RUNX1T1: variants seen among roughly 807,000 people sequenced by gnomAD.
RUNX1T1 encodes RUNX1 partner transcriptional co-repressor 1.
RUNX1T1 carries 4 observed loss-of-function variants against 62.8 expected under a neutral mutation model. The ratio of observed to expected loss-of-function variants is 0.06; its 90% confidence interval spans 0.03 to 0.15. RUNX1T1 has a LOEUF of 0.15. Ranked by LOEUF, RUNX1T1 falls within the 10% of genes least tolerant of loss-of-function variation. The pLI is 1.00. For synonymous variants in RUNX1T1, 291 were observed against 286.0 expected (o/e 1.02, Z -0.18); for missense variants, 508 against 754.3 (o/e 0.67, Z 3.82).
chr8:92,072,256 C>T (rs1833797856), intron 2 of RUNX1T1, among the ~76,000 whole-genome samples: 1 of 152,012 alleles, frequency 6.6e-6, no homozygotes, highest in South Asian at 2.1e-4. Context: ...ACATAATTAA[C>T]ATTGTTATTT....
intron 2 of RUNX1T1, among the ~76,000 whole-genome samples, chr8:92,016,331 G>A (rs1822986849): frequency 6.6e-6 from 1 of 152,108 alleles, no homozygotes. Flanking sequence ...CTCAGAACTT[G>A]AGCCAAGCAG....
At chr8:92,102,463 T>C (rs1422275696), upstream of RUNX1T1, among the ~76,000 whole-genome samples, 2 of 149,766 alleles carry the variant, frequency 1.3e-5, no homozygotes, top group Non-Finnish European at 3.0e-5. The surrounding 1 kb of genome is among the most constrained non-coding windows in gnomAD (Gnocchi z 4.5). Flanking sequence ...AAACCCACGA[T>C]GCGGGCATAG....
At chr8:92,022,066 T>C (rs1824212271) in intron 1 of RUNX1T1, among the ~76,000 whole-genome samples, 1 of 151,906 alleles carries the variant, frequency 6.6e-6, no homozygotes, top group South Asian at 2.1e-4. Flanking sequence ...CACATGTATA[T>C]ATTATACACC....
At chr8:92,000,467 C>T (rs1586917515) in intron 5 of RUNX1T1, among the ~76,000 whole-genome samples, 1 of 152,240 alleles carries the variant, frequency 6.6e-6, no homozygotes, top group East Asian at 1.9e-4. Context: ...AAAATCCCTA[C>T]ATTTTTTTCA....
chr8:92,053,505 A>G (rs1830545501), intron 1 of RUNX1T1, among the ~76,000 whole-genome samples: 1 of 152,190 alleles, frequency 6.6e-6, no homozygotes, highest in Non-Finnish European at 1.5e-5. Context: ...AGAAAGTTTT[A>G]AGTGTTGTAT....
intron 1 of RUNX1T1, among the ~76,000 whole-genome samples, chr8:92,037,752 T>C (rs1453149347): frequency 6.6e-6 from 1 of 152,118 alleles, no homozygotes; most frequent in African/African-American, 2.4e-5. Flanking sequence ...ACAGGTCTTC[T>C]ATGGAGCTTT....
At chr8:91,967,517 A>G (rs190337372) in intron 10 of RUNX1T1, among the ~76,000 whole-genome samples, 1 of 152,166 alleles carries the variant, frequency 6.6e-6, no homozygotes, top group East Asian at 1.9e-4. Flanking sequence ...TTTCAGAACC[A>G]CTGTTTTTTC....
intron 5 of RUNX1T1, among the ~76,000 whole-genome samples, chr8:92,000,689 T>C (rs1027016933): frequency 6.6e-6 from 1 of 152,184 alleles, no homozygotes; most frequent in Non-Finnish European, 1.5e-5. Context: ...GATTTTAAAA[T>C]GATTGCCTTT....
chr8:91,971,354 A>G (rs530496783), intron 9 of RUNX1T1, among the ~76,000 whole-genome samples: 10 of 152,284 alleles, frequency 6.6e-5, no homozygotes, highest in Admixed American at 4.6e-4. Flanking sequence ...CCACAATGCT[A>G]TAAGTTAACA....
intron 1 of RUNX1T1, among the ~76,000 whole-genome samples, chr8:92,056,214 T>C (rs552897969): frequency 6.6e-6 from 1 of 152,310 alleles, no homozygotes; most frequent in Admixed American, 6.5e-5. Flanking sequence ...CAATTGTCTT[T>C]TTTAAAGTTA....
upstream of RUNX1T1, chr8:92,063,451 C>T (rs1832388772): frequency 6.6e-6 from 1 of 152,120 alleles, no homozygotes; most frequent in Non-Finnish European, 1.5e-5. Flanking sequence ...CAATCATGTC[C>T]TCCTGATTCC....
intron 1 of RUNX1T1, among the ~76,000 whole-genome samples, chr8:92,061,966 C>T (rs533572290): frequency 1.3e-5 from 2 of 152,298 alleles, no homozygotes; most frequent in South Asian, 2.1e-4. Context: ...CACTAAATTT[C>T]CAGGACAAGA....
Position 92,081,391 on chromosome 8 carries a change from T to A in RUNX1T1, c.-85-5254A>T, listed in dbSNP as rs137898402. 248 of 308,092 alleles carry A rather than the reference T, an allele frequency of 8.0e-4. 1 individual carries two copies. The highest frequency in any genetic ancestry group is 5.2e-3 in the African/African-American group (229 of 44,418). 19.1% of individuals were successfully genotyped at this position (308,092 alleles called of 1,614,324 possible). On this transcript the variant is annotated intron_variant, in intron 1 of 11. Coordinates refer to the RUNX1T1 transcript ENST00000265814. Reference sequence around the variant, plus strand: ...AATATCAGTACAATCATAATCTTTTTCTTTCTGAAAGTAATTACTGCACTA... The same window carrying A: ...AATATCAGTACAATCATAATCTTTTACTTTCTGAAAGTAATTACTGCACTA...
rs539021944 is a variant in RUNX1T1 at position 92,055,071 on chromosome 8, G to A, written c.7+7475C>T. On this transcript the variant is annotated intron_variant, in intron 1 of 10. Coordinates refer to ENST00000396218, the Ensembl canonical transcript of RUNX1T1. ...GCACAAACTGATCAGCTTGTGATTA[G>A]TAAGTACAACAATTTTAAACAGTGA... Among the ~76,000 whole-genome samples the A allele has an allele frequency of 2.6e-5, 4 of 152,200 alleles. No homozygotes were observed. The South Asian group carries it at 8.3e-4, about 32-fold the overall frequency.
At chr8:92,024,707 C>G (rs1325434073) in intron 1 of RUNX1T1, among the ~76,000 whole-genome samples, 1 of 152,108 alleles carries the variant, frequency 6.6e-6, no homozygotes, top group Non-Finnish European at 1.5e-5. Context: ...GTCTAATACT[C>G]TCTTTCTCTG....
chr8:92,036,600 CAGG>C lies in RUNX1T1; in HGVS notation c.8-19240_8-19238del, dbSNP rs551823436. ...AGCACCTTTGAATACCTTTCCTTTT[CAGG>C]AGAACTTGCCAGGATGCCTCCGGAA... On this transcript the variant is annotated intron_variant, in intron 1 of 10. Coordinates refer to ENST00000396218, the Ensembl canonical transcript of RUNX1T1. Among the ~76,000 whole-genome samples, 45 of 152,284 alleles carry C rather than the reference CAGG, an allele frequency of 3.0e-4. No individual in the cohort carries two copies. The East Asian group carries it at 8.7e-3, about 29-fold the overall frequency.
intron 1 of RUNX1T1, among the ~76,000 whole-genome samples, chr8:92,040,812 G>A (rs1587242643): frequency 6.6e-6 from 1 of 152,294 alleles, no homozygotes; most frequent in South Asian, 2.1e-4. Flanking sequence ...GGCTGGGGCA[G>A]GAGGATCACT....
intron 8 of RUNX1T1, among the ~76,000 whole-genome samples, chr8:91,982,620 A>C (rs533791560): frequency 6.6e-6 from 1 of 152,324 alleles, no homozygotes; most frequent in East Asian, 1.9e-4. Flanking sequence ...ATAAAACTTA[A>C]ATGTATAAAT....
rs141568515 is a variant in RUNX1T1 at position 92,030,203 on chromosome 8, C to T, written c.8-12840G>A. Among the ~76,000 whole-genome samples, 29 of 152,240 alleles carry T rather than the reference C, an allele frequency of 1.9e-4. No individual in the cohort carries two copies. The East Asian group carries it at 3.3e-3, about 17-fold the overall frequency. The stretch of plus-strand genomic sequence containing the variant: ...TCCTTGACCTCTCCCCTATCCTACC[C>T]ACTGTATTATAAGCAATATCGTACT... On this transcript the variant is annotated intron_variant, in intron 1 of 10. Transcript: ENST00000396218.
Sources: gnomAD v4.1 joint callset for allele counts (sites outside exome capture counted in the v4.1 genomes callset) on GRCh38, gnomAD v4.1.1 for gene constraint, Gnocchi (gnomAD v3.1) non-coding constraint, MANE v1.5 for transcripts, NCBI Gene and HGNC (gene_info 2026-07-23, HGNC 2026-07-21) for gene names.